The following PAX5 variants were observed in gnomAD, a reference collection of about 807,000 sequenced individuals.
The protein encoded by PAX5 is paired box 5.
In PAX5, 9 loss-of-function variants were observed where a neutral mutation model predicts 43.7. The observed-to-expected ratio is 0.21, with a 90% CI of 0.12 to 0.36. The LOEUF is 0.36. PAX5 is among the 10% of genes least tolerant of loss of function. The pLI is 1.00. For missense variants in PAX5, 383 were observed against 532.7 expected (o/e 0.72, Z 2.77); for synonymous variants, 228 against 214.3 (o/e 1.06, Z -0.56).
intron 8 of PAX5, among the ~76,000 whole-genome samples, chr9:36,874,925 A>C (rs1392547644): frequency 1.3e-5 from 2 of 152,168 alleles, no homozygotes; most frequent in Non-Finnish European, 2.9e-5. Flanking sequence ...GAATTCTAAG[A>C]GCTTTTATGT....
In PAX5 at chr9:37,026,422, G is replaced by T. The variant is rs948848903; in HGVS notation, c.47-5621C>A. ...CCCTGCACTTTGCAAAGTTAGCTGC[G>T]CGGCTGCAGAGGTCCGAGATCCTTC... On this transcript the variant is annotated intron_variant, in intron 1 of 9. Coordinates refer to ENST00000358127, the MANE Select transcript of PAX5 (RefSeq NM_016734.3). 3 of 951,698 alleles carry T rather than the reference G, an allele frequency of 3.2e-6. No homozygotes were observed. In the African/African-American group the frequency reaches 5.1e-5, roughly 16 times the overall value. The allele number at this position is 951,698 out of a possible 1,614,324, so 59.0% of individuals were successfully genotyped here.
At chr9:36,919,838 TC>T (rs1227265878) in intron 7 of PAX5, among the ~76,000 whole-genome samples, 1 of 28,516 alleles carries the variant, frequency 3.5e-5, no homozygotes, top group African/African-American at 1.7e-4. Flanking sequence ...AGACTCTGTC[TC>T]AAAAAAAAAA....
At chr9:36,988,578 A>G (rs1836655222) in intron 5 of PAX5, among the ~76,000 whole-genome samples, 1 of 150,252 alleles carries the variant, frequency 6.7e-6, no homozygotes, top group South Asian at 2.1e-4. Flanking sequence ...TGGAAGGATC[A>G]CTTGAGCCCA....
At chr9:36,915,005 C>T (rs1242859431) in intron 7 of PAX5, among the ~76,000 whole-genome samples, 1 of 152,122 alleles carries the variant, frequency 6.6e-6, no homozygotes, top group African/African-American at 2.4e-5. Flanking sequence ...TTTTTAGTGG[C>T]TGCATAGTAT....
chr9:36,978,571 T>C (rs1046839608), intron 5 of PAX5, among the ~76,000 whole-genome samples: 1 of 152,170 alleles, frequency 6.6e-6, no homozygotes, highest in Admixed American at 6.5e-5. Context: ...GCATTACCCC[T>C]ATTTGAGTTT....
intron 6 of PAX5, among the ~76,000 whole-genome samples, chr9:36,949,663 C>T (rs1371335854): frequency 6.6e-6 from 1 of 152,200 alleles, no homozygotes; most frequent in Non-Finnish European, 1.5e-5. Context: ...TGCTCTTAAC[C>T]ATGACACTAT....
intron 7 of PAX5, among the ~76,000 whole-genome samples, chr9:36,894,593 C>G (rs79576570): frequency 1.2e-4 from 18 of 152,304 alleles, no homozygotes; most frequent in Middle Eastern, 3.4e-3. Context: ...TTTCGCCTCT[C>G]TGTGTGTCAG....
chr9:36,953,524 C>A (rs1206127256), intron 6 of PAX5, among the ~76,000 whole-genome samples: 1 of 152,000 alleles, frequency 6.6e-6, no homozygotes, highest in African/African-American at 2.4e-5. Context: ...TTTTTTCATT[C>A]TTTTTTCTCT....
At chr9:36,871,317 G>T (rs1469895874) in intron 8 of PAX5, among the ~76,000 whole-genome samples, 2 of 152,130 alleles carry the variant, frequency 1.3e-5, no homozygotes, top group African/African-American at 4.8e-5. Flanking sequence ...AATCTGACTT[G>T]GTCATCAGGA....
intron 1 of PAX5, among the ~76,000 whole-genome samples, chr9:37,033,387 A>G (rs539656597): frequency 2.6e-5 from 4 of 152,368 alleles, no homozygotes; most frequent in East Asian, 3.9e-4. Context: ...ACATCCAAAA[A>G]TGGAAAGGTC....
chr9:36,878,237 C>T (rs1826096692), intron 8 of PAX5, among the ~76,000 whole-genome samples: 1 of 152,236 alleles, frequency 6.6e-6, no homozygotes, highest in South Asian at 2.1e-4. Context: ...GAAACTAACA[C>T]ACAGGTCCAT....
At chr9:36,866,864 G>A (rs1263535381) in intron 8 of PAX5, among the ~76,000 whole-genome samples, 2 of 152,080 alleles carry the variant, frequency 1.3e-5, no homozygotes, top group East Asian at 1.9e-4. Context: ...CGGCCTCTCC[G>A]TTGAACACAC....
chr9:36,937,262 T>G (rs1831634695), intron 6 of PAX5, among the ~76,000 whole-genome samples: 1 of 152,192 alleles, frequency 6.6e-6, no homozygotes, highest in Non-Finnish European at 1.5e-5. Context: ...ACAGGGTAAG[T>G]ATTACTACCC....
In PAX5 at chr9:36,839,940, TC is replaced by T. The variant is rs1399502125; in HGVS notation, c.*619del. 1 of 235,868 alleles carries T rather than the reference TC, an allele frequency of 4.2e-6. No individual in the cohort carries two copies. Among genetic ancestry groups the T allele is most frequent in the Non-Finnish European group, 8.4e-6 (1 of 119,608 alleles). 14.6% of individuals were successfully genotyped at this position (235,868 alleles called of 1,614,324 possible). A position where few individuals can be genotyped will look rare whatever the true frequency, so the allele number is the denominator to read the frequency against. ...TGCAGCACAACCAGCCCAGTGAGAC[TC>T]CTCGTAAAGATACTAAAGAAGGAGG... On this transcript the variant is annotated 3_prime_UTR_variant, in exon 10 of 10. Transcript: ENST00000358127.
intron 1 of PAX5, among the ~76,000 whole-genome samples, chr9:37,027,880 A>C (rs948034253): frequency 5.3e-5 from 8 of 152,140 alleles, no homozygotes; most frequent in Admixed American, 2.0e-4. Context: ...GCAATGGGAG[A>C]GAATGGGGGG....
intron 6 of PAX5, among the ~76,000 whole-genome samples, chr9:36,926,774 C>A (rs962089348): frequency 6.6e-6 from 1 of 152,174 alleles, no homozygotes; most frequent in Non-Finnish European, 1.5e-5. Context: ...ATTCGTTCAA[C>A]CTTTACTGAG....
At chr9:36,885,162 G>A (rs1265730344) in intron 7 of PAX5, among the ~76,000 whole-genome samples, 2 of 152,184 alleles carry the variant, frequency 1.3e-5, no homozygotes. Flanking sequence ...AATTGCTCCA[G>A]TGTTCCAGGC....
intron 1 of PAX5, among the ~76,000 whole-genome samples, chr9:37,032,890 G>A (rs1361696502): frequency 6.6e-6 from 1 of 152,260 alleles, no homozygotes; most frequent in Non-Finnish European, 1.5e-5. Flanking sequence ...AGGGAGGCCT[G>A]TGCGCATACA....
rs1821646489 is a variant in PAX5, at chr9:36,836,445, T to C, written c.*4115A>G. 1 of 233,280 alleles carries C rather than the reference T, an allele frequency of 4.3e-6. No homozygotes were observed. Among genetic ancestry groups the C allele is most frequent in the Non-Finnish European group, 8.5e-6 (1 of 118,044 alleles). 14.5% of individuals were successfully genotyped at this position (233,280 alleles called of 1,614,324 possible). The stretch of plus-strand genomic sequence containing the variant: ...TGAGAAAGGGGGCAATTGACAGGCA[T>C]TGGGGCTCACAGGCTGGTGCCCAGT... On this transcript the variant is annotated 3_prime_UTR_variant, in exon 10 of 10. Coordinates refer to ENST00000358127, the MANE Select transcript of PAX5 (RefSeq NM_016734.3).
Sources: gnomAD v4.1 joint callset for allele counts (sites outside exome capture counted in the v4.1 genomes callset) on GRCh38, gnomAD v4.1.1 for gene constraint, MANE v1.5 for transcripts, NCBI Gene and HGNC (gene_info 2026-07-23, HGNC 2026-07-21) for gene names.